Variants in GPD1 observed in about 807,000 individuals in gnomAD.
GPD1 encodes glycerol-3-phosphate dehydrogenase [NAD(+)], cytoplasmic.
A neutral mutation model predicts 34.4 loss-of-function variants in GPD1; 19 were observed. That is an observed-to-expected ratio of 0.55 (90% confidence interval 0.39 to 0.81). GPD1 has a LOEUF of 0.81. Ranked by LOEUF, GPD1 falls within the 30% of genes least tolerant of loss-of-function variation. GPD1 has a pLI of 0.00. For missense variants in GPD1, 429 were observed against 447.0 expected (o/e 0.96, Z 0.36); for synonymous variants, 172 against 174.1 (o/e 0.99, Z 0.09).
rs1285058447 is a variant in GPD1, at chr12:50,107,296, C to T, written c.613-271C>T. ...TCCTGGACAGCTGTTGACTTGAGGG[C>T]TGTACAATGGAATGGTCATAGATGG... On this transcript the variant is annotated intron_variant, in intron 5 of 7. Coordinates refer to ENST00000301149, the MANE Select transcript of GPD1 (RefSeq NM_005276.4). 4.5e-6 allele frequency: 3 copies of T among 663,142 alleles called. No homozygotes were observed. In the Admixed American group the frequency reaches 6.2e-5, roughly 14 times the overall value. The allele number at this position is 663,142 out of a possible 1,614,324, so 41.1% of individuals were successfully genotyped here.
Position 50,109,586 on chromosome 12 carries a change from C to A in GPD1, c.*67C>A, listed in dbSNP as rs919383087. 8 of 807,148 alleles carry A rather than the reference C, an allele frequency of 9.9e-6. No individual in the cohort carries two copies. The highest frequency in any genetic ancestry group is 8.4e-5 in the African/African-American group (5 of 59,786). The allele number at this position is 807,148 out of a possible 1,614,324, so 50.0% of individuals were successfully genotyped here. On this transcript the variant is annotated 3_prime_UTR_variant, in exon 8 of 8. Transcript: ENST00000301149. ...GGAGACCAGCAGAAGCCTGGGGTAC[C>A]TAGTCACCAGGATCTCCAGGACTCC...
chr12:50,105,512 T>C lies in GPD1; in HGVS notation c.220-36T>C, dbSNP rs1358619818. The C allele has an allele frequency of 9.4e-6, 15 of 1,595,670 alleles. No individual in the cohort carries two copies. In the Admixed American group the frequency reaches 2.5e-4, roughly 27 times the overall value. On this transcript the variant is annotated intron_variant, in intron 2 of 7. Coordinates refer to ENST00000301149, the MANE Select transcript of GPD1 (RefSeq NM_005276.4). ...AGGGTTCCACAGGGGCTAGGGGAGG[T>C]CTGCCAGGCCCGCGAGCACTTGGTC...
At chr12:50,107,933 G>A in intron 6 of GPD1, 91 bp from the exon 7 acceptor site, 2 of 1,023,764 alleles carry the variant, frequency 2.0e-6, no homozygotes, top group South Asian at 2.6e-5. Context: ...TTCCTCCCAA[G>A]ACCCCACTCC....
intron 7 of GPD1, 122 bp from the exon 8 acceptor site, chr12:50,109,301 C>T (rs1951005290): frequency 1.5e-6 from 1 of 649,452 alleles, no homozygotes; most frequent in East Asian, 2.7e-5. Context: ...AAACTCACAG[C>T]CATCCTTCCT....
At chr12:50,105,913 G>C (rs879931051) in intron 3 of GPD1, 3 of 694,738 alleles carry the variant, frequency 4.3e-6, no homozygotes, top group Non-Finnish European at 7.9e-6. Context: ...AGGTCCTCTC[G>C]GGGAGTTTCG....
chr12:50,106,440 G>T lies in GPD1; in HGVS notation c.499+14G>T, dbSNP rs1224285106. The T allele has an allele frequency of 6.2e-7, 1 of 1,612,076 alleles. No homozygotes were observed. The highest frequency in any genetic ancestry group is 1.3e-5 in the African/African-American group (1 of 74,820). ...AGACAACCATTGGTGAGAGCCCCCT[G>T]GCACCTGCATACACAGTGCATCTAG... On this transcript the variant is annotated intron_variant, in intron 4 of 7. Coordinates refer to ENST00000301149, the MANE Select transcript of GPD1 (RefSeq NM_005276.4).
intron 5 of GPD1, 156 bp downstream of exon 5, chr12:50,107,073 C>A (rs1273151835): frequency 1.4e-6 from 1 of 705,334 alleles, no homozygotes; most frequent in Non-Finnish European, 2.6e-6. Context: ...GCTGCAGAAG[C>A]AAGGCCAGGG....
In GPD1 at chr12:50,109,658, T is replaced by C; in HGVS notation, c.*139T>C. 1 of 609,680 alleles carries C rather than the reference T, an allele frequency of 1.6e-6. No individual in the cohort carries two copies. Among genetic ancestry groups the C allele is most frequent in the Non-Finnish European group, 3.0e-6 (1 of 337,408 alleles). The allele number at this position is 609,680 out of a possible 1,614,324, so 37.8% of individuals were successfully genotyped here. ...CTTTTCACTGGAGGACAGGAGGCTATGGGGCCCAGCTACGCACCTGGAGAT... is the reference window on the plus strand; with the variant it reads ...CTTTTCACTGGAGGACAGGAGGCTACGGGGCCCAGCTACGCACCTGGAGAT... On this transcript the variant is annotated 3_prime_UTR_variant, in exon 8 of 8. Transcript: ENST00000301149.
At chr12:50,104,810 C>T (rs973104876) in intron 2 of GPD1, 59 bp downstream of exon 2, 13 of 1,458,052 alleles carry the variant, frequency 8.9e-6, no homozygotes, top group African/African-American at 2.8e-5. Flanking sequence ...GAGTTGGAGC[C>T]GACCTTACTC....
At chr12:50,106,128 G>A (rs1411136203) in intron 3 of GPD1, 160 bp from the exon 4 acceptor site, 4 of 647,536 alleles carry the variant, frequency 6.2e-6, no homozygotes, top group South Asian at 5.8e-5. Flanking sequence ...GTCACATGCT[G>A]TCTGGCCTCC....
chr12:50,109,824 C>CG lies in GPD1; in HGVS notation c.*310dup, dbSNP rs1166383265. The CG allele has an allele frequency of 4.6e-4, 153 of 331,724 alleles. 3 individuals carry two copies. In the Admixed American group the frequency reaches 5.2e-3, roughly 11 times the overall value. The allele number at this position is 331,724 out of a possible 1,614,324, so 20.5% of individuals were successfully genotyped here. On this transcript the variant is annotated 3_prime_UTR_variant, in exon 8 of 8. Coordinates refer to ENST00000301149, the MANE Select transcript of GPD1 (RefSeq NM_005276.4). The stretch of plus-strand genomic sequence containing the variant: ...AGCCCCAGTGCTGCCTGCTTGGTGG[C>CG]GGGGGTGATGTATGTGGAGAAGGGT...
chr12:50,104,516 C>T, intron 1 of GPD1, 58 bp from the exon 2 acceptor site: 1 of 1,380,882 alleles, frequency 7.2e-7, no homozygotes, highest in South Asian at 1.2e-5. Context: ...GGGGCGCTGC[C>T]CCAACTCCTG....
intron 7 of GPD1, among the ~76,000 whole-genome samples, chr12:50,108,504 C>G (rs1950999455): frequency 6.6e-6 from 1 of 152,118 alleles, no homozygotes; most frequent in Admixed American, 6.6e-5. Context: ...TCCCTGAATC[C>G]TGTTCTGGGT....
At position 50,106,832 on chromosome 12, in the gene GPD1, T is replaced by A. The variant is rs745335269; in HGVS notation, c.527T>A (p.Leu176His). Residue 176 changes from leucine to histidine, a missense_variant, in exon 5 of 8, where the codon CTC (leucine) becomes CAC (histidine). Leu to His is a moderately conservative substitution (Grantham distance 99). Transcript: ENST00000301149. ...IGCKDPAQGQ[L>H]LKELMQTPNF... is the part of the protein sequence containing the mutation. ...TGCAAGGACCCGGCCCAGGGACAAC[T>A]CCTGAAAGAGCTGATGCAGACACCA... The A allele has an allele frequency of 1.2e-6, 2 of 1,609,214 alleles. No homozygotes were observed. The highest frequency in any genetic ancestry group is 1.7e-6 in the Non-Finnish European group (2 of 1,176,252).
In GPD1 at chr12:50,107,566, GA is replaced by G; in HGVS notation, c.614del (p.Asn205MetfsTer2). 6.2e-7 allele frequency: 1 copy of G among 1,610,712 alleles called. No individual in the cohort carries two copies. Among genetic ancestry groups the G allele is most frequent in the Non-Finnish European group, 8.5e-7 (1 of 1,176,938 alleles). ...TCACCTATGACCTCCACTCCTTCAAGAATGTAGTGGCCGTGGGGGCTGGCTT... is the reference window on the plus strand; with the variant it reads ...TCACCTATGACCTCCACTCCTTCAAGATGTAGTGGCCGTGGGGGCTGGCTT... ...DTVEICGALKNVVAVGAGFCD... is the reference protein window; with the variant it reads ...DTVEICGALKXVVAVGAGFCD... On this transcript the variant is annotated frameshift_variant and splice_region_variant, in exon 6 of 8. Coordinates refer to ENST00000301149, the MANE Select transcript of GPD1 (RefSeq NM_005276.4). LOFTEE classifies it high-confidence loss of function.
chr12:50,106,805 G>A lies in GPD1; in HGVS notation c.500G>A (p.Gly167Asp), dbSNP rs760935383. ...ADEKFCETTI[G>D]CKDPAQGQLL... ...AAGCCTTGCCCCCTCCTCACTTTAG[G>A]CTGCAAGGACCCGGCCCAGGGACAA... The change falls in exon 5 of 8, where the codon GGC (glycine) becomes GAC (aspartate). Residue 167 changes from glycine to aspartate, a missense_variant and splice_region_variant. Physicochemically the swap from Gly to Asp is moderately conservative, Grantham distance 94 (BLOSUM62 -1). Coordinates refer to ENST00000301149, the MANE Select transcript of GPD1 (RefSeq NM_005276.4). The A allele has an allele frequency of 1.1e-5, 17 of 1,580,162 alleles. 1 individual carries two copies. In the South Asian group the frequency reaches 1.9e-4, roughly 18 times the overall value.
intron 5 of GPD1, chr12:50,107,156 G>A (rs1285261053): frequency 1.5e-6 from 1 of 675,548 alleles, no homozygotes; most frequent in Non-Finnish European, 2.7e-6. Flanking sequence ...AGCCCCGTGT[G>A]GGACTCCCCA....
At chr12:50,108,464 G>T (rs1169164345) in intron 7 of GPD1, among the ~76,000 whole-genome samples, 1 of 152,140 alleles carries the variant, frequency 6.6e-6, no homozygotes. Flanking sequence ...CCCCTAGTTT[G>T]AGTCTCTTCC....
Position 50,107,664 on chromosome 12 carries a change from C to A in GPD1, c.710C>A (p.Ala237Asp). Residue 237 changes from alanine (A) to aspartate (D), a missense_variant, in exon 6 of 8, where the codon GCC becomes GAC. Coordinates refer to ENST00000301149, the MANE Select transcript of GPD1 (RefSeq NM_005276.4). ...VIRLGLMEMI[A>D]FAKLFCSGPV... ...CGGCTGGGACTCATGGAGATGATAG[C>A]CTTCGCCAAGCTCTTCTGCAGTGGC... The A allele has an allele frequency of 6.2e-7, 1 of 1,614,006 alleles. No individual in the cohort carries two copies. The highest frequency in any genetic ancestry group is 8.5e-7 in the Non-Finnish European group (1 of 1,179,898).
Sources: gnomAD v4.1 joint callset for allele counts (sites outside exome capture counted in the v4.1 genomes callset) on GRCh38, gnomAD v4.1.1 for gene constraint, MANE v1.5 for transcripts, NCBI Gene and HGNC (gene_info 2026-07-23, HGNC 2026-07-21) for gene names.